ARMH1: variants seen among roughly 807,000 people sequenced by gnomAD.
ARMH1 encodes the protein armadillo-like helical domain containing protein 1.
ARMH1 carries 34 observed loss-of-function variants against 50.2 expected under a neutral mutation model. The ratio of observed to expected loss-of-function variants is 0.68; its 90% CI spans 0.51 to 0.90. The LOEUF (loss-of-function observed/expected upper bound fraction) is 0.90, where lower values mean the gene tolerates loss of function less well. Ranked by LOEUF, ARMH1 falls within the 40% of genes least tolerant of loss-of-function variation. ARMH1 has a pLI of 0.00. For missense variants in ARMH1, 538 were observed against 553.9 expected, an observed-to-expected ratio of 0.97 and a Z score of 0.29; for synonymous variants, 221 against 224.2, an observed-to-expected ratio of 0.99 and a Z score of 0.13.
chr1:44,684,165 T>C lies in ARMH1; in HGVS notation c.-22-5511T>C, dbSNP rs1194410102. ...CTTTTTCCTTAGCGGTCAACAAGCT[T>C]AGATACAATTTATCCCAGCAACTGA... On this transcript the variant is annotated intron_variant, in intron 1 of 11. Transcript: ENST00000535358. Among the ~76,000 whole-genome samples, 3 of 152,218 alleles carry C rather than the reference T, an allele frequency of 2.0e-5. No homozygotes were observed. The East Asian group carries it at 5.8e-4, about 29-fold the overall frequency.
intron 5 of ARMH1, among the ~76,000 whole-genome samples, chr1:44,702,673 C>T (rs1435793373): frequency 1.5e-5 from 2 of 134,096 alleles, no homozygotes; most frequent in African/African-American, 5.8e-5. Flanking sequence ...GATTGTGCCA[C>T]TGCACTCCAG....
At chr1:44,721,157 T>C (rs186190616) in intron 6 of ARMH1, among the ~76,000 whole-genome samples, 1 of 152,180 alleles carries the variant, frequency 6.6e-6, no homozygotes. Context: ...GACAGTACCC[T>C]CAAGGTCAAG....
At chr1:44,699,742 G>C (rs12751934) in intron 4 of ARMH1, among the ~76,000 whole-genome samples, 1 of 151,788 alleles carries the variant, frequency 6.6e-6, no homozygotes, top group African/African-American at 2.4e-5. Context: ...ATGAGTCACC[G>C]CACCCTCAAT....
At chr1:44,721,862 A>AT (rs1384639973) in intron 6 of ARMH1, 1 of 152,210 alleles carries the variant, frequency 6.6e-6, no homozygotes, top group Middle Eastern at 3.2e-3. Context: ...TCTTTAGTAA[A>AT]AGGCGAAAGA....
chr1:44,680,564 A>T (rs1182469662), intron 1 of ARMH1, among the ~76,000 whole-genome samples: 1 of 152,212 alleles, frequency 6.6e-6, no homozygotes, highest in Non-Finnish European at 1.5e-5. Context: ...TCTGGGGGTG[A>T]AGCAAGTAGG....
Position 44,682,173 on chromosome 1 carries a change from A to G in ARMH1, c.-23+7300A>G, listed in dbSNP as rs2148576245. Among the ~76,000 whole-genome samples, 1 of 152,332 alleles carries G rather than the reference A, an allele frequency of 6.6e-6. No homozygotes were observed. The highest frequency in any genetic ancestry group is 2.4e-5 in the African/African-American group (1 of 41,570). ...GCACATTCTGAGCACAGTGTGTTGG[A>G]TGTCAGTTTAAATAACACTTATTGA... is the stretch of plus-strand genomic sequence containing the variant. On this transcript the variant is annotated intron_variant, in intron 1 of 11. Transcript: ENST00000535358. This position sits in a 1 kb window ranked among gnomAD's most constrained non-coding sequence, Gnocchi z 4.5.
chr1:44,713,730 TGC>T (rs1257175198), intron 6 of ARMH1, among the ~76,000 whole-genome samples: 3 of 152,176 alleles, frequency 2.0e-5, no homozygotes, highest in African/African-American at 7.2e-5. Context: ...TGCCTTATAC[TGC>T]GTCCTTTTTG....
In ARMH1 at chr1:44,706,025, G is replaced by A. The variant is rs533825821; in HGVS notation, c.724+1852G>A. On this transcript the variant is annotated intron_variant, in intron 6 of 11. Transcript: ENST00000535358. Reference sequence around the variant, plus strand: ...TAAAGGTCTATGTCTAGGAAAGGTAGGCTAGGAGCAATGGAGGGGCACCTT... The same window carrying A: ...TAAAGGTCTATGTCTAGGAAAGGTAAGCTAGGAGCAATGGAGGGGCACCTT... 5.1e-4 allele frequency among the ~76,000 whole-genome samples: 78 copies of A among 152,316 alleles called. 1 individual carries two copies. The highest frequency in any genetic ancestry group is 6.8e-3 in the Middle Eastern group (2 of 294).
Position 44,724,098 on chromosome 1 carries a change from TC to T in ARMH1, c.725-22del. On this transcript the variant is annotated intron_variant, in intron 6 of 11. Transcript: ENST00000535358. This position sits in a 1 kb window ranked among gnomAD's most constrained non-coding sequence, Gnocchi z 6.4. The stretch of plus-strand genomic sequence containing the variant: ...GTGGCGGAGGGGCCTGGGGCCTCTC[TC>T]CAGCACCTCTGCCCTTCCGCAGCCA... 1 of 1,549,456 alleles carries T rather than the reference TC, an allele frequency of 6.5e-7. No homozygotes were observed. Among genetic ancestry groups the T allele is most frequent in the Non-Finnish European group, 8.7e-7 (1 of 1,145,716 alleles).
At chr1:44,691,629 G>C (rs1414982713) in intron 2 of ARMH1, among the ~76,000 whole-genome samples, 1 of 152,014 alleles carries the variant, frequency 6.6e-6, no homozygotes, top group Non-Finnish European at 1.5e-5. Flanking sequence ...TCTCCCTGAG[G>C]GACTAGTTCA....
At chr1:44,697,985 C>T (rs1480865045) in intron 3 of ARMH1, 78 bp from the exon 4 acceptor site, 15 of 1,201,156 alleles carry the variant, frequency 1.2e-5, no homozygotes, top group Non-Finnish European at 1.7e-5. Context: ...AAAGAGGGGA[C>T]CTTGGGATCT....
At chr1:44,695,167 G>T (rs1483271089) in intron 2 of ARMH1, among the ~76,000 whole-genome samples, 1 of 152,196 alleles carries the variant, frequency 6.6e-6, no homozygotes, top group South Asian at 2.1e-4. Context: ...GACTGCCTAG[G>T]TTCAAATCCC....
intron 5 of ARMH1, among the ~76,000 whole-genome samples, chr1:44,702,647 G>A (rs1646136324): frequency 1.3e-5 from 2 of 149,716 alleles, no homozygotes; most frequent in South Asian, 2.1e-4. Flanking sequence ...AGGAGGCGGA[G>A]GTTGCAGTGA....
At chr1:44,712,138 G>A (rs780676868) in intron 6 of ARMH1, among the ~76,000 whole-genome samples, 6 of 152,232 alleles carry the variant, frequency 3.9e-5, no homozygotes, top group Non-Finnish European at 7.4e-5. Flanking sequence ...TTGGGAGCCC[G>A]AGGCGGGCAG....
At chr1:44,688,017 G>A (rs1023308806) in intron 1 of ARMH1, among the ~76,000 whole-genome samples, 6 of 152,162 alleles carry the variant, frequency 3.9e-5, no homozygotes, top group African/African-American at 7.2e-5. Context: ...TAGTGGTGGT[G>A]TCTCAACCCC....
At chr1:44,675,852 T>G (rs1453829452) in intron 1 of ARMH1, among the ~76,000 whole-genome samples, 1 of 151,726 alleles carries the variant, frequency 6.6e-6, no homozygotes, top group African/African-American at 2.4e-5. Context: ...CCCAGCTACT[T>G]GGGAGGCTGA....
intron 6 of ARMH1, among the ~76,000 whole-genome samples, chr1:44,723,494 C>G (rs988866802): frequency 6.6e-6 from 1 of 152,304 alleles, no homozygotes; most frequent in Non-Finnish European, 1.5e-5. Flanking sequence ...CAAATCCTCC[C>G]CTCCTTCTGC....
At chr1:44,688,449 G>A (rs1453334590) in intron 1 of ARMH1, 1 of 152,198 alleles carries the variant, frequency 6.6e-6, no homozygotes, top group Non-Finnish European at 1.5e-5. Context: ...ATTTTAGGAT[G>A]TTTCAGACTG....
intron 1 of ARMH1, 79 bp from the exon 2 acceptor site, chr1:44,689,597 C>A: frequency 9.1e-7 from 1 of 1,097,868 alleles, no homozygotes; most frequent in Non-Finnish European, 1.3e-6. Flanking sequence ...ACCCTGCCTG[C>A]AGTTGATTGC....
Sources: allele counts gnomAD v4.1 joint callset (sites outside exome capture counted in the v4.1 genomes callset), GRCh38; gene constraint gnomAD v4.1.1; non-coding constraint Gnocchi (gnomAD v3.1); transcripts MANE v1.5; gene names NCBI Gene and HGNC (gene_info 2026-07-23, HGNC 2026-07-21).